Variants in ZNRF3 observed in about 807,000 individuals in gnomAD.
ZNRF3 encodes the protein zinc and ring finger 3.
ZNRF3 carries 23 observed loss-of-function variants against 72.5 expected under a neutral mutation model. That is an observed-to-expected ratio of 0.32 (90% CI 0.23 to 0.45). ZNRF3 has a LOEUF of 0.45. ZNRF3 is among the 20% of genes least tolerant of loss of function. ZNRF3 has a pLI of 1.00. For missense variants in ZNRF3, 1,169 were observed against 1,272.1 expected, an observed-to-expected ratio of 0.92 and a Z score of 1.23; for synonymous variants, 610 against 545.3, an observed-to-expected ratio of 1.12 and a Z score of -1.65.
intron 2 of ZNRF3, among the ~76,000 whole-genome samples, chr22:28,991,291 A>G (rs1466518861): frequency 2.8e-5 from 4 of 142,890 alleles, no homozygotes; most frequent in Non-Finnish European, 6.4e-5. Flanking sequence ...AAAAAAAAAA[A>G]AAAAAAAAAA....
intron 1 of ZNRF3, among the ~76,000 whole-genome samples, chr22:28,944,754 CAA>C (rs35578297): frequency 2.1e-3 from 183 of 88,196 alleles, no homozygotes; most frequent in African/African-American, 4.9e-3. Flanking sequence ...GACTCCATCT[CAA>C]AAAAAAAAAA....
chr22:28,920,951 C>T (rs1211454606), intron 1 of ZNRF3, among the ~76,000 whole-genome samples: 1 of 152,222 alleles, frequency 6.6e-6, no homozygotes, highest in Non-Finnish European at 1.5e-5. Context: ...CAGTCACACA[C>T]GGGGCTAGAC....
intron 1 of ZNRF3, among the ~76,000 whole-genome samples, chr22:28,895,522 C>G (rs957723332): frequency 1.3e-5 from 2 of 152,150 alleles, no homozygotes; most frequent in Admixed American, 1.3e-4. Flanking sequence ...AAAAAATTAG[C>G]CAGGCGCAGT....
chr22:28,883,795 G>C lies in ZNRF3; in HGVS notation c.29G>C (p.Gly10Ala). 1.0e-6 allele frequency: 1 copy of C among 979,652 alleles called. No individual in the cohort carries two copies. Among genetic ancestry groups the C allele is most frequent in the Non-Finnish European group, 1.2e-6 (1 of 827,612 alleles). 60.7% of individuals were successfully genotyped at this position (979,652 alleles called of 1,614,324 possible). ...AGGCCGCGCTCGGGCGGGCGCCCAGGGGCCACGGGCCGCCGCCGCCGCCGC... is the reference window on the plus strand; with the variant it reads ...AGGCCGCGCTCGGGCGGGCGCCCAGCGGCCACGGGCCGCCGCCGCCGCCGC... MRPRSGGRPGATGRRRRRLR... is the reference protein window; with the variant it reads MRPRSGGRPAATGRRRRRLR... Residue 10 changes from glycine to alanine, a missense_variant, in exon 1 of 9, where the codon GGG becomes GCG. Coordinates refer to ENST00000544604, the MANE Select transcript of ZNRF3 (RefSeq NM_001206998.2). The surrounding 1 kb of genome is among the most constrained non-coding windows in gnomAD (Gnocchi z 5.5).
rs557582167 is a variant in ZNRF3, at chr22:28,903,948, C to T, written c.300+19882C>T. 3.9e-4 allele frequency among the ~76,000 whole-genome samples: 60 copies of T among 152,244 alleles called. No individual in the cohort carries two copies. In the South Asian group the frequency reaches 6.8e-3, roughly 17 times the overall value. On this transcript the variant is annotated intron_variant, in intron 1 of 8. Transcript: ENST00000544604. ...CTTGTGTGGCCTGTGAGTGAGCTAG[C>T]AAGCCAGCGAGGTCAGTGGGCCTTC...
chr22:28,985,717 C>G (rs531440668), intron 1 of ZNRF3, among the ~76,000 whole-genome samples: 97 of 152,336 alleles, frequency 6.4e-4, no homozygotes, highest in African/African-American at 2.1e-3. Flanking sequence ...AGCCACTTAT[C>G]TTGGATTTCT....
intron 2 of ZNRF3, among the ~76,000 whole-genome samples, chr22:28,994,176 C>CTCTTTTTTTTTTTTTTTTTT (rs2036005663): frequency 2.5e-5 from 1 of 39,790 alleles, no homozygotes; most frequent in Non-Finnish European, 4.4e-5. Flanking sequence ...CAGTTCCTTT[C>CTCTTTTTTTTTTTTTTTTTT]TTTTTTTTTT....
chr22:29,020,271 TTTC>T (rs1395198050), intron 2 of ZNRF3, among the ~76,000 whole-genome samples: 1 of 146,662 alleles, frequency 6.8e-6, no homozygotes, highest in African/African-American at 2.6e-5. Flanking sequence ...TTTTTTTTTT[TTTC>T]CCCCAAGACA....
chr22:28,921,571 C>A (rs132548), intron 1 of ZNRF3, among the ~76,000 whole-genome samples: 1 of 151,976 alleles, frequency 6.6e-6, no homozygotes. Flanking sequence ...CTGCTGCCTC[C>A]GAACCTGAAA....
At chr22:28,910,981 G>A (rs1188351945) in intron 1 of ZNRF3, among the ~76,000 whole-genome samples, 1 of 152,226 alleles carries the variant, frequency 6.6e-6, no homozygotes, top group Admixed American at 6.5e-5. Context: ...GAAAGAAGAG[G>A]CCAAGTGAGG....
chr22:28,944,746 C>T lies in ZNRF3; in HGVS notation c.301-42330C>T, dbSNP rs556969931. On this transcript the variant is annotated intron_variant, in intron 1 of 8. Transcript: ENST00000544604. ...CTCCAGCCTAGGTGACAAAGCGAGACTCCATCTCAAAAAAAAAAAAAAAAA... is the reference window on the plus strand; with the variant it reads ...CTCCAGCCTAGGTGACAAAGCGAGATTCCATCTCAAAAAAAAAAAAAAAAA... Among the ~76,000 whole-genome samples, 355 of 122,906 alleles carry T rather than the reference C, an allele frequency of 2.9e-3. 4 individuals carry two copies. The highest frequency in any genetic ancestry group is 9.5e-3 in the African/African-American group (326 of 34,372). 80.6% of individuals were successfully genotyped at this position (122,906 alleles called of 152,430 possible).
At chr22:29,003,287 T>C (rs532666506) in intron 2 of ZNRF3, among the ~76,000 whole-genome samples, 17 of 151,970 alleles carry the variant, frequency 1.1e-4, no homozygotes, top group African/African-American at 3.6e-4. Flanking sequence ...GAGGCCAAGG[T>C]GGGCGGATCA....
chr22:28,923,015 A>T (rs933006516), intron 1 of ZNRF3, among the ~76,000 whole-genome samples: 1 of 152,136 alleles, frequency 6.6e-6, no homozygotes, highest in Non-Finnish European at 1.5e-5. Context: ...GCCTTGTGAC[A>T]TAGCCCCAGG....
chr22:29,050,787 G>T lies in ZNRF3; in HGVS notation c.2606G>T (p.Gly869Val). The change falls in exon 8 of 9, where the codon GGC becomes GTC. Residue 869 changes from glycine (G) to valine (V), a missense_variant. Gly to Val is a moderately radical substitution (Grantham distance 109). Coordinates refer to ENST00000544604, the MANE Select transcript of ZNRF3 (RefSeq NM_001206998.2). Reference protein sequence around the residue: ...RGPDTPRPHRGLGATREEERA... With the variant: ...RGPDTPRPHRVLGATREEERA... ...CCGGATACCCCACGGCCCCACAGGG[G>T]CCTGGGAGCAACCCGGGAAGAGGAG... 2 of 1,607,832 alleles carry T rather than the reference G, an allele frequency of 1.2e-6. No homozygotes were observed. The highest frequency in any genetic ancestry group is 1.7e-6 in the Non-Finnish European group (2 of 1,177,558).
At chr22:28,983,922 T>G (rs989261764) in intron 1 of ZNRF3, among the ~76,000 whole-genome samples, 3 of 151,918 alleles carry the variant, frequency 2.0e-5, no homozygotes, top group African/African-American at 7.2e-5. Flanking sequence ...GTTATTTACT[T>G]GTGCAAGAAC....
chr22:28,985,282 TTC>T (rs1289953478), intron 1 of ZNRF3, among the ~76,000 whole-genome samples: 1 of 152,184 alleles, frequency 6.6e-6, no homozygotes, highest in Non-Finnish European at 1.5e-5. Flanking sequence ...TTCTCTTTCC[TTC>T]TCAGTGTAGA....
Position 29,057,233 on chromosome 22 carries a change from T to C in ZNRF3, c.*3611T>C, listed in dbSNP as rs1244274551. The C allele has an allele frequency of 6.6e-6, 1 of 152,238 alleles. No homozygotes were observed. Among genetic ancestry groups the C allele is most frequent in the Non-Finnish European group, 1.5e-5 (1 of 68,042 alleles). 9.4% of individuals were successfully genotyped at this position (152,238 alleles called of 1,614,324 possible). A position where few individuals can be genotyped will look rare whatever the true frequency, so the allele number is the denominator to read the frequency against. ...TATGTATAGCAGCACATTTCATTTA[T>C]GGAAATATGTTCTCAGAATATTTAT... On this transcript the variant is annotated 3_prime_UTR_variant, in exon 9 of 9. Transcript: ENST00000544604.
At chr22:28,934,381 C>T (rs2034781021) in intron 1 of ZNRF3, among the ~76,000 whole-genome samples, 1 of 152,208 alleles carries the variant, frequency 6.6e-6, no homozygotes, top group Admixed American at 6.5e-5. Flanking sequence ...GCTCAACTCT[C>T]TTGGACTTAA....
chr22:29,026,080 T>TA (rs1454867846), intron 2 of ZNRF3: 1 of 152,190 alleles, frequency 6.6e-6, no homozygotes, highest in Non-Finnish European at 1.5e-5. Flanking sequence ...TGATGACTAT[T>TA]TATTGAGTAC....
Sources: gnomAD v4.1 joint callset for allele counts (sites outside exome capture counted in the v4.1 genomes callset) on GRCh38, gnomAD v4.1.1 for gene constraint, Gnocchi (gnomAD v3.1) non-coding constraint, MANE v1.5 for transcripts, NCBI Gene and HGNC (gene_info 2026-07-23, HGNC 2026-07-21) for gene names.